Variants in OSCP1 observed in about 807,000 individuals in gnomAD.
OSCP1 encodes organic solute carrier partner 1.
In OSCP1, 35 loss-of-function variants were observed where a neutral mutation model predicts 45.1. The observed-to-expected ratio is 0.78, with a 90% CI of 0.59 to 1.03. OSCP1 has a LOEUF of 1.03. Ranked by LOEUF, OSCP1 falls within the 50% of genes least tolerant of loss-of-function variation. The pLI is 0.00. For synonymous variants in OSCP1, 179 were observed against 180.1 expected, an observed-to-expected ratio of 0.99 and a Z score of 0.05; for missense variants, 400 against 470.7, an observed-to-expected ratio of 0.85 and a Z score of 1.39.
chr1:36,437,028 T>C (rs1648793269), intron 2 of OSCP1, among the ~76,000 whole-genome samples: 1 of 152,200 alleles, frequency 6.6e-6, no homozygotes, highest in East Asian at 1.9e-4. Context: ...GGGTACATAC[T>C]GGCAACCTGA....
chr1:36,418,159 C>A lies in OSCP1; in HGVS notation c.1120G>T (p.Ala374Ser), dbSNP rs747136536. The change falls in exon 10 of 10, where the codon GCC (alanine) becomes TCC (serine). Residue 374 changes from alanine to serine, a missense_variant. Transcript: ENST00000235532. ...LSTSKGDDLL[A>S]MMDEL ...AACAGCTATAACTCATCCATCATGG[C>A]GAGCAAATCGTCCCCTTTGCTGGTG... 3.7e-6 allele frequency: 6 copies of A among 1,614,024 alleles called. No homozygotes were observed. The highest frequency in any genetic ancestry group is 5.1e-6 in the Non-Finnish European group (6 of 1,180,012).
rs1323486499 is a variant in OSCP1 at position 36,447,539 on chromosome 1, G to A, written c.112+2719C>T. Among the ~76,000 whole-genome samples the A allele has an allele frequency of 6.6e-6, 1 of 152,130 alleles. No individual in the cohort carries two copies. The highest frequency in any genetic ancestry group is 1.5e-5 in the Non-Finnish European group (1 of 68,020). ...GAGGGGACATTGGTTATAGTAAGGG[G>A]ACATTGGCTGAGTATGAACTTTGGA... On this transcript the variant is annotated intron_variant, in intron 1 of 9. Coordinates refer to ENST00000235532, the MANE Select transcript of OSCP1 (RefSeq NM_145047.5). The surrounding 1 kb of genome is among the most constrained non-coding windows in gnomAD (Gnocchi z 4.1).
In OSCP1 at chr1:36,428,615, A is replaced by G. The variant is rs1310496322; in HGVS notation, c.516+3187T>C. 2.9e-6 allele frequency: 3 copies of G among 1,045,530 alleles called. No homozygotes were observed. The East Asian group carries it at 8.6e-5, about 30-fold the overall frequency. The allele number at this position is 1,045,530 out of a possible 1,614,324, so 64.8% of individuals were successfully genotyped here. A position where few individuals can be genotyped will look rare whatever the true frequency, so the allele number is the denominator to read the frequency against. ...TTATTTTGCCCAAGGTCATGGAGCT[A>G]GTCCTATAGTTGGGATTCATTTTCT... is the stretch of plus-strand genomic sequence containing the variant. On this transcript the variant is annotated intron_variant, in intron 4 of 9. Coordinates refer to ENST00000235532, the MANE Select transcript of OSCP1 (RefSeq NM_145047.5).
Position 36,428,580 on chromosome 1 carries a change from T to G in OSCP1, c.516+3222A>C. On this transcript the variant is annotated intron_variant, in intron 4 of 9. Coordinates refer to ENST00000235532, the MANE Select transcript of OSCP1 (RefSeq NM_145047.5). ...ATTTTTCAGATGAAGAAACTAAGACTTAAGAGAAGTTATTTTGCCCAAGGT... is the reference window on the plus strand; with the variant it reads ...ATTTTTCAGATGAAGAAACTAAGACGTAAGAGAAGTTATTTTGCCCAAGGT... 5 of 1,341,132 alleles carry G rather than the reference T, an allele frequency of 3.7e-6. No homozygotes were observed. The East Asian group carries it at 7.7e-5, about 21-fold the overall frequency. 83.1% of individuals were successfully genotyped at this position (1,341,132 alleles called of 1,614,324 possible). A position where few individuals can be genotyped will look rare whatever the true frequency, so the allele number is the denominator to read the frequency against.
intron 2 of OSCP1, among the ~76,000 whole-genome samples, chr1:36,438,285 C>A (rs1648886161): frequency 7.1e-6 from 1 of 141,370 alleles, no homozygotes; most frequent in South Asian, 2.2e-4. Context: ...CCATTGCACT[C>A]CAGCCTGGGC....
rs17442970 is a variant in OSCP1 at position 36,422,212 on chromosome 1, C to A, written c.757G>T (p.Val253Leu). 0.02 allele frequency: 32,963 copies of A among 1,613,996 alleles called. 421 individuals carry two copies. The highest frequency in any genetic ancestry group is 0.039 in the Admixed American group (2,312 of 60,014). ...VLKLGTNMYS[V>L]NQPVETHVSG... Reference sequence around the variant, plus strand: ...ACATGAGTTTCCACAGGCTGATTCACGCTGTACCTGGTGTGTCAACAGAAA... The same window carrying A: ...ACATGAGTTTCCACAGGCTGATTCAAGCTGTACCTGGTGTGTCAACAGAAA... Residue 253 changes from valine to leucine, a missense_variant, in exon 7 of 10, where the codon GTG becomes TTG. Transcript: ENST00000235532.
chr1:36,418,311 T>C, intron 9 of OSCP1, 56 bp from the exon 10 acceptor site: 1 of 1,536,760 alleles, frequency 6.5e-7, no homozygotes, highest in Non-Finnish European at 9.0e-7. Context: ...GCAGGCCGCC[T>C]CTTTGTGCAC....
chr1:36,450,434 A>ACT lies in OSCP1; in HGVS notation c.-66_-65insAG. ...TTCGGTAGCCAGTGGCCTGAAGGCC[A>ACT]GGCCGCAGCGTCCCAATAGTCCGGT... is the stretch of plus-strand genomic sequence containing the variant. On this transcript the variant is annotated 5_prime_UTR_variant, in exon 1 of 10. Transcript: ENST00000235532. 1 of 1,348,444 alleles carries ACT rather than the reference A, an allele frequency of 7.4e-7. No individual in the cohort carries two copies. Among genetic ancestry groups the ACT allele is most frequent in the Non-Finnish European group, 1.1e-6 (1 of 944,520 alleles). The allele number at this position is 1,348,444 out of a possible 1,614,324, so 83.5% of individuals were successfully genotyped here.
chr1:36,441,457 T>A (rs1375428345), intron 1 of OSCP1, among the ~76,000 whole-genome samples: 1 of 151,998 alleles, frequency 6.6e-6, no homozygotes, highest in Non-Finnish European at 1.5e-5. Context: ...TTTTAAAAAA[T>A]TTAATTAGCG....
At chr1:36,431,310 G>A (rs1648349656) in intron 4 of OSCP1, among the ~76,000 whole-genome samples, 1 of 152,104 alleles carries the variant, frequency 6.6e-6, no homozygotes, top group African/African-American at 2.4e-5. Context: ...AGAGACAGGA[G>A]TAAGGTTTGG....
At chr1:36,418,626 A>G in intron 9 of OSCP1, 1 of 337,618 alleles carries the variant, frequency 3.0e-6, no homozygotes. Context: ...TGAGGAAAGG[A>G]GGAAGGGAGG....
chr1:36,425,634 G>A (rs938447712), intron 4 of OSCP1, among the ~76,000 whole-genome samples: 1 of 151,760 alleles, frequency 6.6e-6, no homozygotes, highest in African/African-American at 2.4e-5. Flanking sequence ...TCGGGAGGCT[G>A]AGGCAGGAGA....
In OSCP1 at chr1:36,431,804, G is replaced by A. The variant is rs757734143; in HGVS notation, c.514C>T (p.Arg172Ter). ...CCCAGGGCTGCCTATTGACTTACTC[G>A]GATGTGCAGGTCTTGGAAGAAGATG... ...LLIFFQDLHIRVSMFLKDKVQ... is the reference protein window; with the variant it reads ...LLIFFQDLHI The change falls in exon 4 of 10, where the codon CGA becomes TGA. Residue 172 changes from arginine (R) to a stop codon, truncating the protein, a stop_gained and splice_region_variant. Transcript: ENST00000235532. LOFTEE classifies it high-confidence loss of function. The A allele has an allele frequency of 5.6e-6, 9 of 1,613,382 alleles. No homozygotes were observed. The highest frequency in any genetic ancestry group is 2.2e-5 in the South Asian group (2 of 91,054).
Position 36,438,883 on chromosome 1 carries a change from A to G in OSCP1, c.140T>C (p.Phe47Ser). 6.2e-7 allele frequency: 1 copy of G among 1,614,168 alleles called. No individual in the cohort carries two copies. The change falls in exon 2 of 10, where the codon TTC becomes TCC. Residue 47 changes from phenylalanine to serine, a missense_variant. By Grantham distance (155) the Phe-to-Ser change is radical. Transcript: ENST00000235532. ...TAATTCCTCCATAAACTTTCTATTG[A>G]ACATGGTGGAGATGATGTCATTCAG... ...KVLNDIISTM[F>S]NRKFMEELFK...
At chr1:36,426,761 A>G (rs1008410401) in intron 4 of OSCP1, among the ~76,000 whole-genome samples, 31 of 152,280 alleles carry the variant, frequency 2.0e-4, no homozygotes, top group African/African-American at 7.5e-4. Context: ...GCTGTAGTGC[A>G]GTGGTGCGAT....
chr1:36,418,257 T>C lies in OSCP1; in HGVS notation c.1024-2A>G. 6.2e-7 allele frequency: 1 copy of C among 1,614,104 alleles called. No homozygotes were observed. The highest frequency in any genetic ancestry group is 1.3e-5 in the African/African-American group (1 of 75,052). ...CAGCTCCTCGCTCCGTTGCTGGTCCTATGAGGGAAATGAGAGGTAAAAGGG... is the reference window on the plus strand; with the variant it reads ...CAGCTCCTCGCTCCGTTGCTGGTCCCATGAGGGAAATGAGAGGTAAAAGGG... On this transcript the variant is annotated splice_acceptor_variant, in intron 9 of 9. Transcript: ENST00000235532. LOFTEE classifies it high-confidence loss of function.
intron 7 of OSCP1, among the ~76,000 whole-genome samples, chr1:36,421,649 G>T (rs1647621360): frequency 6.6e-6 from 1 of 152,198 alleles, no homozygotes; most frequent in South Asian, 2.1e-4. Context: ...GCCCATAGAA[G>T]CAGTTTAATA....
Position 36,422,829 on chromosome 1 carries a change from C to T in OSCP1, c.688G>A (p.Ala230Thr), listed in dbSNP as rs986210626. Reference protein sequence around the residue: ...EFKHGGNYVPAPKEGSFELYG... With the variant: ...EFKHGGNYVPTPKEGSFELYG... The stretch of plus-strand genomic sequence containing the variant: ...AGTTCAAAAGAACCTTCTTTGGGTG[C>T]AGGGACATAGTTTCCACCATGCTTG... Residue 230 changes from alanine (A) to threonine (T), a missense_variant, in exon 6 of 10, where the codon GCA becomes ACA. Ala to Thr is a moderately conservative substitution (Grantham distance 58). Coordinates refer to ENST00000235532, the MANE Select transcript of OSCP1 (RefSeq NM_145047.5). The T allele has an allele frequency of 6.2e-7, 1 of 1,610,312 alleles. No homozygotes were observed. Among genetic ancestry groups the T allele is most frequent in the East Asian group, 2.2e-5 (1 of 44,738 alleles).
intron 1 of OSCP1, among the ~76,000 whole-genome samples, chr1:36,442,203 G>T (rs1417058836): frequency 2.0e-5 from 3 of 148,944 alleles, no homozygotes; most frequent in Admixed American, 1.4e-4. Context: ...TCCAGCCTGG[G>T]CAACAAGAGC....
Sources: gnomAD v4.1 joint callset for allele counts (sites outside exome capture counted in the v4.1 genomes callset) on GRCh38, gnomAD v4.1.1 for gene constraint, Gnocchi (gnomAD v3.1) non-coding constraint, MANE v1.5 for transcripts, NCBI Gene and HGNC (gene_info 2026-07-23, HGNC 2026-07-21) for gene names.